EXD3: variants seen among roughly 807,000 people sequenced by gnomAD.
EXD3 encodes the protein exonuclease mut-7 homolog.
In EXD3, 92 loss-of-function variants were observed where a neutral mutation model predicts 98.0. The observed-to-expected ratio is 0.94, with a 90% CI of 0.79 to 1.12. The LOEUF is 1.12. EXD3 is among the 50% of genes most tolerant of loss of function. The pLI, the probability that EXD3 is intolerant of heterozygous loss-of-function variation, is 0.00. For synonymous variants in EXD3, 569 were observed against 526.0 expected (o/e 1.08, Z -1.12); for missense variants, 1,222 against 1,191.6 (o/e 1.03, Z -0.38).
intron 7 of EXD3, chr9:137,357,306 C>T (rs1588342274): frequency 6.6e-6 from 1 of 152,182 alleles, no homozygotes; most frequent in Non-Finnish European, 1.5e-5. Context: ...CATCTGGAAA[C>T]CTGTCAGCGA....
At chr9:137,348,329 A>T (rs1834044771) in intron 16 of EXD3, 91 bp from the exon 17 acceptor site, 4 of 1,333,504 alleles carry the variant, frequency 3.0e-6, no homozygotes, top group Non-Finnish European at 3.0e-6. Context: ...TGTGGCCAGC[A>T]CTCTGTCTCT....
intron 19 of EXD3, among the ~76,000 whole-genome samples, chr9:137,314,062 C>T (rs1831505100): frequency 6.6e-6 from 1 of 152,156 alleles, no homozygotes; most frequent in Non-Finnish European, 1.5e-5. Flanking sequence ...CCCCAGGCTG[C>T]CCTGTGCACT....
Position 137,356,260 on chromosome 9 carries a change from G to A in EXD3, c.757+8C>T, listed in dbSNP as rs368577724. On this transcript the variant is annotated splice_region_variant and intron_variant, in intron 8 of 21. Transcript: ENST00000340951. Reference sequence around the variant, plus strand: ...CCTGTGGGGCAGGAATGTGGGGGCTGGACTCACCTGGGGCTACGCCGTACC... The same window carrying A: ...CCTGTGGGGCAGGAATGTGGGGGCTAGACTCACCTGGGGCTACGCCGTACC... 1.3e-6 allele frequency: 2 copies of A among 1,588,450 alleles called. No homozygotes were observed. The highest frequency in any genetic ancestry group is 2.7e-5 in the African/African-American group (2 of 74,304).
chr9:137,414,634 C>T (rs1236723415), intron 1 of EXD3, among the ~76,000 whole-genome samples: 1 of 152,174 alleles, frequency 6.6e-6, no homozygotes, highest in Non-Finnish European at 1.5e-5. Flanking sequence ...GTCTGTCTTT[C>T]GTTTTTTTAA....
In EXD3 at chr9:137,315,797, G is replaced by A. The variant is rs557522590; in HGVS notation, c.2185-6097C>T. On this transcript the variant is annotated intron_variant, in intron 19 of 21. Transcript: ENST00000340951. ...AATAAAAACAGGGTCAGGAGCCCCAGACCCCACTCCCCGCCCAGACCCGGG... is the reference window on the plus strand; with the variant it reads ...AATAAAAACAGGGTCAGGAGCCCCAAACCCCACTCCCCGCCCAGACCCGGG... 9.9e-5 allele frequency among the ~76,000 whole-genome samples: 15 copies of A among 152,042 alleles called. No homozygotes were observed. In the South Asian group the frequency reaches 3.1e-3, roughly 32 times the overall value.
intron 17 of EXD3, among the ~76,000 whole-genome samples, chr9:137,334,060 GGC>G (rs1038377070): frequency 4.7e-4 from 72 of 151,874 alleles, no homozygotes; most frequent in African/African-American, 1.2e-3. Flanking sequence ...GGAGTGCAGT[GGC>G]GTGATCTCGG....
At chr9:137,418,917 A>ATG (rs1027590312) in intron 1 of EXD3, among the ~76,000 whole-genome samples, 1 of 152,234 alleles carries the variant, frequency 6.6e-6, no homozygotes, top group African/African-American at 2.4e-5. Context: ...ATTTGATTAA[A>ATG]TGAATGGCTT....
At chr9:137,406,384 G>A (rs1837716170) in intron 1 of EXD3, among the ~76,000 whole-genome samples, 2 of 151,224 alleles carry the variant, frequency 1.3e-5, no homozygotes, top group African/African-American at 4.9e-5. Context: ...CAAGTTATCT[G>A]GAGCTGAGAG....
At chr9:137,376,703 G>A (rs1383758703) in intron 3 of EXD3, among the ~76,000 whole-genome samples, 2 of 152,110 alleles carry the variant, frequency 1.3e-5, no homozygotes, top group Admixed American at 6.6e-5. Flanking sequence ...GCCAAGGTGG[G>A]CGGATCAACT....
intron 7 of EXD3, among the ~76,000 whole-genome samples, chr9:137,363,319 G>A (rs1313800024): frequency 2.1e-5 from 3 of 143,906 alleles, no homozygotes; most frequent in Non-Finnish European, 4.5e-5. Flanking sequence ...AGTTCATACA[G>A]GATTGGTGCA....
intron 3 of EXD3, among the ~76,000 whole-genome samples, chr9:137,376,120 A>G (rs1172107980): frequency 2.0e-5 from 3 of 151,696 alleles, no homozygotes; most frequent in Admixed American, 1.3e-4. Context: ...TGAGGCGGGC[A>G]GATCACGAGG....
chr9:137,349,120 G>A lies in EXD3; in HGVS notation c.1820C>T (p.Ala607Val). ...PGLQKASAPA[A>V]PRQVPVAVAV... is the part of the protein sequence containing the mutation. ...CGGGGCTTCACCCACCTGCCTGGGT[G>A]CGGCCGGTGCTGACGCTTTCTGCAG... is the stretch of plus-strand genomic sequence containing the variant. The change falls in exon 16 of 22, where the codon GCA (alanine) becomes GTA (valine). Residue 607 changes from alanine (A) to valine (V), a missense_variant. Ala to Val is a moderately conservative substitution (Grantham distance 64). Coordinates refer to ENST00000340951, the MANE Select transcript of EXD3 (RefSeq NM_017820.5). This position sits in a 1 kb window ranked among gnomAD's most constrained non-coding sequence, Gnocchi z 7.4. The A allele has an allele frequency of 6.3e-7, 1 of 1,595,730 alleles. No individual in the cohort carries two copies.
At chr9:137,335,959 TA>T (rs1833334814) in intron 17 of EXD3, among the ~76,000 whole-genome samples, 1 of 151,954 alleles carries the variant, frequency 6.6e-6, no homozygotes, top group African/African-American at 2.4e-5. Flanking sequence ...TACTCAGCCG[TA>T]AAAAAGAACA....
At chr9:137,366,242 A>G (rs537799784) in intron 7 of EXD3, 10 of 704,462 alleles carry the variant, frequency 1.4e-5, no homozygotes, top group African/African-American at 1.2e-4. Flanking sequence ...ACCACGGAGA[A>G]TTATTTTCGT....
chr9:137,419,978 T>G (rs1409696850), intron 1 of EXD3, among the ~76,000 whole-genome samples: 1 of 151,948 alleles, frequency 6.6e-6, no homozygotes, highest in Non-Finnish European at 1.5e-5. Flanking sequence ...GCTAATACGG[T>G]GAAACCCCAT....
chr9:137,353,840 C>T lies in EXD3; in HGVS notation c.870+499G>A, dbSNP rs545424393. On this transcript the variant is annotated intron_variant, in intron 10 of 21. Coordinates refer to ENST00000340951, the MANE Select transcript of EXD3 (RefSeq NM_017820.5). Reference sequence around the variant, plus strand: ...GGCCTCGAGGAGGGTCCGCCTGCCCCGCTGGCTTCAGGCCCAGCAGCCTGA... The same window carrying T: ...GGCCTCGAGGAGGGTCCGCCTGCCCTGCTGGCTTCAGGCCCAGCAGCCTGA... The T allele has an allele frequency of 1.9e-5, 19 of 986,718 alleles. No individual in the cohort carries two copies. In the South Asian group the frequency reaches 2.8e-4, roughly 15 times the overall value. 61.1% of individuals were successfully genotyped at this position (986,718 alleles called of 1,614,324 possible).
chr9:137,341,248 T>C (rs1255615016), intron 17 of EXD3, among the ~76,000 whole-genome samples: 1 of 152,196 alleles, frequency 6.6e-6, no homozygotes, highest in Non-Finnish European at 1.5e-5. Context: ...GCCTACGATG[T>C]TGAGGCTGCA....
intron 17 of EXD3, among the ~76,000 whole-genome samples, chr9:137,343,877 C>G (rs113713332): frequency 2.5e-5 from 3 of 120,742 alleles, no homozygotes; most frequent in South Asian, 2.8e-4. Flanking sequence ...TATGAGCCAC[C>G]GCGCCCGGCC....
intron 2 of EXD3, among the ~76,000 whole-genome samples, chr9:137,383,796 C>T (rs1390082793): frequency 6.6e-6 from 1 of 152,242 alleles, no homozygotes; most frequent in Non-Finnish European, 1.5e-5. Flanking sequence ...CAAGCCCCTG[C>T]CCTCTTTAGG....
Sources: allele counts gnomAD v4.1 joint callset (sites outside exome capture counted in the v4.1 genomes callset), GRCh38; gene constraint gnomAD v4.1.1; non-coding constraint Gnocchi (gnomAD v3.1); transcripts MANE v1.5; gene names NCBI Gene and HGNC (gene_info 2026-07-23, HGNC 2026-07-21).